Variants in NPFFR2 observed in about 807,000 individuals in gnomAD.
The protein encoded by NPFFR2 is neuropeptide FF receptor 2.
Under a neutral mutation model 13.1 loss-of-function variants are expected in NPFFR2, and 15 were observed. The observed-to-expected ratio is 1.15, with a 90% CI of 0.77 to 1.76. The LOEUF (loss-of-function observed/expected upper bound fraction) is 1.76. Ranked by LOEUF, NPFFR2 falls within the 40% of genes most tolerant of loss-of-function variation. The pLI is 0.00. For missense variants in NPFFR2, 572 were observed against 503.5 expected (o/e 1.14, Z -1.30); for synonymous variants, 190 against 175.7 (o/e 1.08, Z -0.65).
intron 3 of NPFFR2, among the ~76,000 whole-genome samples, chr4:72,140,079 A>G (rs2109845726): frequency 6.6e-6 from 1 of 152,168 alleles, no homozygotes; most frequent in South Asian, 2.1e-4. Flanking sequence ...GGTGTATAGG[A>G]ATGCTTGTGA....
intron 1 of NPFFR2, among the ~76,000 whole-genome samples, chr4:72,035,100 G>C (rs1319677805): frequency 6.6e-6 from 1 of 152,230 alleles, no homozygotes; most frequent in African/African-American, 2.4e-5. Flanking sequence ...TATGGTAGAA[G>C]GCAGAGGATA....
intron 1 of NPFFR2, among the ~76,000 whole-genome samples, chr4:72,034,052 C>T (rs1718988323): frequency 6.6e-6 from 1 of 152,088 alleles, no homozygotes; most frequent in South Asian, 2.1e-4. Context: ...ATAAGGACAA[C>T]TTCATGCCTT....
intron 1 of NPFFR2, among the ~76,000 whole-genome samples, chr4:72,125,592 T>C (rs1722015214): frequency 1.3e-5 from 2 of 152,228 alleles, no homozygotes. Flanking sequence ...GGCTGCGTTT[T>C]TTTTCTTAAG....
At chr4:72,139,688 G>A (rs546466535) in intron 3 of NPFFR2, among the ~76,000 whole-genome samples, 16 of 152,276 alleles carry the variant, frequency 1.1e-4, no homozygotes, top group African/African-American at 3.9e-4. Flanking sequence ...AAGTTGGGTA[G>A]CATGATGCCT....
At chr4:72,068,017 G>T (rs777257376) in intron 1 of NPFFR2, among the ~76,000 whole-genome samples, 2 of 152,004 alleles carry the variant, frequency 1.3e-5, no homozygotes, top group Non-Finnish European at 2.9e-5. Context: ...GGCAATACAG[G>T]CTTTTTTCAA....
chr4:72,109,443 C>T (rs571388351), intron 1 of NPFFR2, among the ~76,000 whole-genome samples: 141 of 152,024 alleles, frequency 9.3e-4, no homozygotes, highest in Non-Finnish European at 1.7e-3. Context: ...TCATCCATGT[C>T]GTGAGAAATA....
chr4:72,039,920 GT>G (rs1719159526), intron 1 of NPFFR2, among the ~76,000 whole-genome samples: 1 of 152,024 alleles, frequency 6.6e-6, no homozygotes, highest in South Asian at 2.1e-4. Flanking sequence ...GTTATTAGTT[GT>G]TAAATTAATT....
At chr4:72,096,769 A>T (rs138489294) in intron 1 of NPFFR2, among the ~76,000 whole-genome samples, 1 of 152,178 alleles carries the variant, frequency 6.6e-6, no homozygotes, top group African/African-American at 2.4e-5. Flanking sequence ...TTTTATACAG[A>T]TGCTCCTTGA....
At chr4:72,075,959 A>T (rs773721652) in intron 1 of NPFFR2, among the ~76,000 whole-genome samples, 357 of 14,604 alleles carry the variant, frequency 0.024, 2 homozygotes, top group Non-Finnish European at 0.15. Flanking sequence ...TCTCTCTGTC[A>T]CACACACACA....
At chr4:72,049,680 A>G (rs187240180) in intron 1 of NPFFR2, among the ~76,000 whole-genome samples, 85 of 151,956 alleles carry the variant, frequency 5.6e-4, no homozygotes, top group African/African-American at 2.0e-3. Flanking sequence ...TTATAAATTC[A>G]TATTTATATC....
intron 2 of NPFFR2, among the ~76,000 whole-genome samples, chr4:72,136,231 A>C (rs756476853): frequency 2.6e-5 from 4 of 152,046 alleles, no homozygotes; most frequent in Non-Finnish European, 5.9e-5. Context: ...GGTGGACTGC[A>C]CCTGTATTCC....
chr4:72,034,695 CTG>C (rs1443028398), intron 1 of NPFFR2, among the ~76,000 whole-genome samples: 2 of 152,210 alleles, frequency 1.3e-5, no homozygotes, highest in African/African-American at 2.4e-5. Context: ...CTTTTCCTCT[CTG>C]TTTCCCTTTG....
At chr4:72,126,565 C>A (rs1009720787) in intron 1 of NPFFR2, among the ~76,000 whole-genome samples, 1 of 152,180 alleles carries the variant, frequency 6.6e-6, no homozygotes, top group Admixed American at 6.5e-5. Flanking sequence ...TACTGATACA[C>A]AGGTTTACTT....
intron 1 of NPFFR2, among the ~76,000 whole-genome samples, chr4:72,063,963 C>T (rs746803045): frequency 3.9e-5 from 6 of 152,022 alleles, no homozygotes; most frequent in East Asian, 3.9e-4. Context: ...TCTCGATTTA[C>T]GTTTATAGTT....
intron 2 of NPFFR2, among the ~76,000 whole-genome samples, chr4:72,131,570 C>T (rs1294214471): frequency 6.6e-6 from 1 of 151,868 alleles, no homozygotes; most frequent in Non-Finnish European, 1.5e-5. Flanking sequence ...ACAATGTGCA[C>T]ATGTACCCTA....
intron 1 of NPFFR2, among the ~76,000 whole-genome samples, chr4:72,102,590 T>C (rs1721286312): frequency 6.9e-6 from 1 of 145,156 alleles, no homozygotes; most frequent in South Asian, 2.2e-4. Flanking sequence ...GTGTTCTCAT[T>C]GTTCAATTCC....
chr4:72,056,804 A>T (rs1203142065), intron 1 of NPFFR2, among the ~76,000 whole-genome samples: 2 of 152,002 alleles, frequency 1.3e-5, no homozygotes, highest in African/African-American at 4.8e-5. Context: ...GTAACTGTGG[A>T]TCTGATGGAA....
chr4:72,050,310 C>T (rs866259278), intron 1 of NPFFR2, among the ~76,000 whole-genome samples: 7 of 151,906 alleles, frequency 4.6e-5, no homozygotes, highest in Non-Finnish European at 8.8e-5. Flanking sequence ...ATATTTTAAG[C>T]CCCCCTAACC....
chr4:72,136,387 A>C (rs991368899), intron 2 of NPFFR2, among the ~76,000 whole-genome samples: 2 of 151,960 alleles, frequency 1.3e-5, no homozygotes, highest in African/African-American at 2.4e-5. Flanking sequence ...ACAAACCAAA[A>C]CAAAACAAAA....
Sources: gnomAD v4.1 joint callset for allele counts (sites outside exome capture counted in the v4.1 genomes callset) on GRCh38, gnomAD v4.1.1 for gene constraint, MANE v1.5 for transcripts, NCBI Gene and HGNC (gene_info 2026-07-23, HGNC 2026-07-21) for gene names.